Variants in SFSWAP observed in about 807,000 individuals in gnomAD.
SFSWAP encodes the protein splicing factor SWAP, also known as splicing factor, suppressor of white-apricot homolog.
SFSWAP carries 17 observed loss-of-function variants against 100.7 expected under a neutral mutation model. That is an observed-to-expected ratio of 0.17 (90% CI 0.12 to 0.25). The LOEUF is 0.25. SFSWAP is among the 10% of genes least tolerant of loss of function. The probability of loss-of-function intolerance (pLI) is 1.00; values close to 1 mark genes in which losing one functional copy is unlikely to be tolerated. For missense variants in SFSWAP, 1,005 were observed against 1,262.6 expected (o/e 0.80, Z 3.09); for synonymous variants, 504 against 510.1 (o/e 0.99, Z 0.16).
intron 7 of SFSWAP, among the ~76,000 whole-genome samples, chr12:131,747,192 G>GC (rs1288775544): frequency 2.0e-5 from 3 of 151,716 alleles, no homozygotes; most frequent in Non-Finnish European, 2.9e-5. Flanking sequence ...ATCATGCTCT[G>GC]CCATGCCAGG....
At chr12:131,792,408 A>G (rs184848064) in intron 15 of SFSWAP, among the ~76,000 whole-genome samples, 3 of 147,410 alleles carry the variant, frequency 2.0e-5, no homozygotes, top group African/African-American at 7.6e-5. Flanking sequence ...ACTGGTGTGC[A>G]TGTGTGTGCT....
chr12:131,749,836 A>C (rs116643875), intron 7 of SFSWAP, among the ~76,000 whole-genome samples: 53 of 152,316 alleles, frequency 3.5e-4, no homozygotes, highest in African/African-American at 1.2e-3. Context: ...CACCAGTCCT[A>C]GTGGCGCAGG....
intron 7 of SFSWAP, among the ~76,000 whole-genome samples, chr12:131,738,211 A>G (rs1284310356): frequency 2.0e-5 from 3 of 152,184 alleles, no homozygotes; most frequent in Non-Finnish European, 2.9e-5. Context: ...TTTCCTGCAC[A>G]TCATGACTTT....
At chr12:131,776,314 C>G (rs1163683163) in intron 13 of SFSWAP, among the ~76,000 whole-genome samples, 1 of 152,090 alleles carries the variant, frequency 6.6e-6, no homozygotes, top group Non-Finnish European at 1.5e-5. Context: ...TCATCCCTGC[C>G]CTCTTGCCCG....
chr12:131,723,716 G>A (rs537170876), intron 4 of SFSWAP, among the ~76,000 whole-genome samples: 24 of 152,246 alleles, frequency 1.6e-4, no homozygotes, highest in African/African-American at 5.8e-4. Context: ...AGGAAACCGT[G>A]CATTTGTGTG....
chr12:131,725,647 C>A lies in SFSWAP; in HGVS notation c.832+17C>A. On this transcript the variant is annotated intron_variant, in intron 5 of 17. Transcript: ENST00000261674. The surrounding 1 kb of genome is among the most constrained non-coding windows in gnomAD (Gnocchi z 4.3). ...AGAAAAAAAGTAGGTCCCACTGCGT[C>A]TGTTCCGTCCAGACTTTGGGCCTGT... 1 of 1,586,606 alleles carries A rather than the reference C, an allele frequency of 6.3e-7. No homozygotes were observed. The highest frequency in any genetic ancestry group is 1.1e-5 in the South Asian group (1 of 88,682).
At chr12:131,767,429 G>A (rs571874362) in intron 13 of SFSWAP, among the ~76,000 whole-genome samples, 7 of 152,160 alleles carry the variant, frequency 4.6e-5, no homozygotes, top group Non-Finnish European at 7.3e-5. Flanking sequence ...GAGCATTTTG[G>A]AGACATAACT....
intron 15 of SFSWAP, among the ~76,000 whole-genome samples, chr12:131,792,091 T>C (rs963098164): frequency 2.0e-5 from 3 of 151,846 alleles, no homozygotes; most frequent in Non-Finnish European, 4.4e-5. Context: ...TTACTGTGTG[T>C]GCGCCCATGT....
intron 3 of SFSWAP, among the ~76,000 whole-genome samples, chr12:131,717,802 C>T (rs1158836489): frequency 6.6e-6 from 1 of 152,210 alleles, no homozygotes; most frequent in African/African-American, 2.4e-5. Context: ...GCGGTGTCAG[C>T]TCACTGCAAC....
chr12:131,726,809 G>A, intron 5 of SFSWAP, 131 bp from the exon 6 acceptor site: 1 of 634,956 alleles, frequency 1.6e-6, no homozygotes. Flanking sequence ...GTGACTCTAG[G>A]GAGAAATTTC....
rs565125195 is a variant in SFSWAP, at chr12:131,754,678, G to A, written c.1454+179G>A. On this transcript the variant is annotated intron_variant, in intron 9 of 17. Coordinates refer to ENST00000261674, the MANE Select transcript of SFSWAP (RefSeq NM_004592.4). ...AGATGGAGTCTTGCTCTGTCACCCA[G>A]GCTGGAGTGCAGTGGCGCGATCTTG... 2.2e-4 allele frequency among the ~76,000 whole-genome samples: 25 copies of A among 115,936 alleles called. No individual in the cohort carries two copies. The Admixed American group carries it at 2.5e-3, about 12-fold the overall frequency. 76.1% of individuals were successfully genotyped at this position (115,936 alleles called of 152,430 possible).
chr12:131,755,974 G>T (rs772066348), intron 10 of SFSWAP, among the ~76,000 whole-genome samples: 42 of 152,340 alleles, frequency 2.8e-4, no homozygotes, highest in Middle Eastern at 3.4e-3. Context: ...AGTGCTTTTT[G>T]TCCTACAGCC....
At position 131,785,148 on chromosome 12, in the gene SFSWAP, A is replaced by G. The variant is rs558797866; in HGVS notation, c.2409-1315A>G. 2.1e-5 allele frequency: 33 copies of G among 1,535,712 alleles called. No homozygotes were observed. In the East Asian group the frequency reaches 5.6e-4, roughly 26 times the overall value. On this transcript the variant is annotated intron_variant, in intron 14 of 17. Transcript: ENST00000261674. ...CGTCAGTGACAGCGGCAGCCGAGCC[A>G]GGAAGTTATCAGGCAGCCTCGACCA...
chr12:131,756,510 C>T lies in SFSWAP; in HGVS notation c.1586C>T (p.Ala529Val), dbSNP rs757817591. 46 of 1,613,992 alleles carry T rather than the reference C, an allele frequency of 2.9e-5. No homozygotes were observed. The highest frequency in any genetic ancestry group is 3.1e-5 in the Non-Finnish European group (37 of 1,180,050). The part of the protein sequence containing the change: ...SAPEEAPTDS[A>V]PEKPSDAGED... ...CCAGAAGAGGCTCCCACAGACTCTGCTCCCGAGAAGCCAAGTGATGCTGGG... is the reference window on the plus strand; with the variant it reads ...CCAGAAGAGGCTCCCACAGACTCTGTTCCCGAGAAGCCAAGTGATGCTGGG... Residue 529 changes from alanine to valine, a missense_variant, in exon 11 of 18, where the codon GCT becomes GTT. Physicochemically the swap from Ala to Val is moderately conservative, Grantham distance 64. Coordinates refer to ENST00000261674, the MANE Select transcript of SFSWAP (RefSeq NM_004592.4).
Position 131,797,354 on chromosome 12 carries a change from G to A in SFSWAP, c.2711G>A (p.Arg904His), listed in dbSNP as rs2229809. The A allele has an allele frequency of 1.3e-3, 2,020 of 1,606,342 alleles. 33 individuals are homozygous for A. In the South Asian group the frequency reaches 0.015, roughly 12 times the overall value. ...GAGAGTCGGGGCTCCAGCCAGGAGC[G>A]CTCCAGGTAACCCCTGTCCTCCAGC... ...PVESRGSSQE[R>H]SRGVSQEKEA... Residue 904 changes from arginine (R) to histidine (H), a missense_variant, in exon 16 of 18, where the codon CGC becomes CAC. Arg to His is a conservative substitution (Grantham distance 29). Around this residue, in one of 7 missense-constraint regions of SFSWAP, gnomAD observed 295 missense variants for 347.9 expected, o/e 0.85. Transcript: ENST00000261674.
At chr12:131,766,989 C>T (rs968942728) in intron 13 of SFSWAP, among the ~76,000 whole-genome samples, 1 of 151,174 alleles carries the variant, frequency 6.6e-6, no homozygotes, top group South Asian at 2.1e-4. Flanking sequence ...TAGACACTGG[C>T]TCCTGTGCCA....
At chr12:131,758,976 A>G (rs757117488) in intron 11 of SFSWAP, among the ~76,000 whole-genome samples, 1 of 152,170 alleles carries the variant, frequency 6.6e-6, no homozygotes, top group Non-Finnish European at 1.5e-5. Flanking sequence ...GCTCCCAGCT[A>G]CTTGGGAGGC....
At chr12:131,740,957 C>CTTTTTTTTGTTTTTTTTT (rs1354791623) in intron 7 of SFSWAP, among the ~76,000 whole-genome samples, 1 of 96,072 alleles carries the variant, frequency 1.0e-5, no homozygotes, top group Non-Finnish European at 2.2e-5. Flanking sequence ...CTTTTTTTTT[C>CTTTTTTTTGTTTTTTTTT]TTTTTTTTCT....
chr12:131,754,061 A>G (rs1479163866), intron 8 of SFSWAP, among the ~76,000 whole-genome samples: 6 of 152,354 alleles, frequency 3.9e-5, no homozygotes, highest in Admixed American at 3.3e-4. Context: ...TATAACAACA[A>G]CAACAACAAA....
Sources: gnomAD v4.1 joint callset for allele counts (sites outside exome capture counted in the v4.1 genomes callset) on GRCh38, gnomAD v4.1.1 for gene constraint, gnomAD v4.1.1 regional missense constraint, Gnocchi (gnomAD v3.1) non-coding constraint, MANE v1.5 for transcripts, NCBI Gene and HGNC (gene_info 2026-07-23, HGNC 2026-07-21) for gene names.